Variants in STEAP1B observed in about 807,000 individuals in gnomAD.
STEAP1B encodes the protein STEAP family member 1B, also known as STEAP family protein MGC87042.
Under a neutral mutation model 27.9 loss-of-function variants are expected in STEAP1B, and 13 were observed. The observed-to-expected ratio is 0.47, with a 90% confidence interval of 0.30 to 0.74. STEAP1B has a LOEUF of 0.74. Among genes scored for constraint, STEAP1B ranks in the 30% least tolerant of loss-of-function variants. The pLI, the probability that STEAP1B is intolerant of heterozygous loss-of-function variation, is 0.06. For synonymous variants in STEAP1B, 86 were observed against 107.1 expected (o/e 0.80, Z 1.22); for missense variants, 250 against 298.7 (o/e 0.84, Z 1.20).
At chr7:22,486,904 C>T (rs1786219616) in intron 4 of STEAP1B, among the ~76,000 whole-genome samples, 1 of 152,188 alleles carries the variant, frequency 6.6e-6, no homozygotes, top group Non-Finnish European at 1.5e-5. Context: ...CTTCTCAGCT[C>T]ACTCAGTGCT....
intron 4 of STEAP1B, among the ~76,000 whole-genome samples, chr7:22,469,243 A>G (rs1785838823): frequency 6.6e-6 from 1 of 152,166 alleles, no homozygotes; most frequent in Non-Finnish European, 1.5e-5. Flanking sequence ...AGAATAAATA[A>G]TTTAATATAT....
chr7:22,472,579 T>TA (rs1281289296), intron 4 of STEAP1B, among the ~76,000 whole-genome samples: 3 of 152,192 alleles, frequency 2.0e-5, no homozygotes, highest in African/African-American at 2.4e-5. Context: ...AATCTAACCA[T>TA]AAAAAATAAA....
chr7:22,463,588 G>A (rs1170838601), intron 4 of STEAP1B, among the ~76,000 whole-genome samples: 2 of 152,106 alleles, frequency 1.3e-5, no homozygotes, highest in East Asian at 3.8e-4. Flanking sequence ...AAACAGCATG[G>A]TACTGGTACC....
intron 4 of STEAP1B, among the ~76,000 whole-genome samples, chr7:22,421,976 C>A (rs1032122857): frequency 6.6e-6 from 1 of 152,216 alleles, no homozygotes; most frequent in Non-Finnish European, 1.5e-5. Flanking sequence ...TGAAATTAAA[C>A]GTCACTATCA....
At chr7:22,490,972 C>T (rs751471849) in intron 4 of STEAP1B, among the ~76,000 whole-genome samples, 11 of 152,176 alleles carry the variant, frequency 7.2e-5, no homozygotes, top group African/African-American at 2.4e-4. Context: ...AATAGCAGTA[C>T]GTGATATATC....
chr7:22,449,161 A>AT (rs1562570960), intron 4 of STEAP1B, among the ~76,000 whole-genome samples: 1 of 152,118 alleles, frequency 6.6e-6, no homozygotes, highest in African/African-American at 2.4e-5. Flanking sequence ...ACTCTTTCAG[A>AT]TTTTTTAAAT....
rs1274102731 is a variant in STEAP1B at position 22,491,873 on chromosome 7, A to T, written c.762+692T>A. Among the ~76,000 whole-genome samples, 7 of 152,190 alleles carry T rather than the reference A, an allele frequency of 4.6e-5. No individual in the cohort carries two copies. The East Asian group carries it at 1.3e-3, about 29-fold the overall frequency. On this transcript the variant is annotated intron_variant, in intron 4 of 4. Transcript: ENST00000678116. ...AATTTGTCAGCTATGTTCTGTTTGAAAAGGAAGATAGAGACAGTAATATGA... is the reference window on the plus strand; with the variant it reads ...AATTTGTCAGCTATGTTCTGTTTGATAAGGAAGATAGAGACAGTAATATGA...
At chr7:22,423,201 T>G (rs1583625520) in intron 4 of STEAP1B, among the ~76,000 whole-genome samples, 1 of 152,226 alleles carries the variant, frequency 6.6e-6, no homozygotes, top group East Asian at 1.9e-4. Flanking sequence ...CTTTGGAAGA[T>G]AATTGGCTGT....
chr7:22,430,424 A>C lies in STEAP1B; in HGVS notation c.763-10588T>G, dbSNP rs147394588. Among the ~76,000 whole-genome samples the C allele has an allele frequency of 1.1e-3, 164 of 152,362 alleles. 1 individual carries two copies. Among genetic ancestry groups the C allele is most frequent in the African/African-American group, 3.6e-3 (151 of 41,586 alleles). ...CTACCACAAGTGCATCATTAATCTT[A>C]CGACTGAGGCAAGGAATTATTAAAA... On this transcript the variant is annotated intron_variant, in intron 4 of 4. Transcript: ENST00000678116.
chr7:22,441,381 C>T lies in STEAP1B; in HGVS notation c.763-21545G>A, dbSNP rs914756627. ...TCAGTTGCCCTTACCATGCGCCAGG[C>T]ACTGTTGAACTATTTTAATCCTCAT... On this transcript the variant is annotated intron_variant, in intron 4 of 4. Coordinates refer to ENST00000678116, the MANE Select transcript of STEAP1B (RefSeq NM_001382447.1). Among the ~76,000 whole-genome samples the T allele has an allele frequency of 2.0e-5, 3 of 152,322 alleles. No individual in the cohort carries two copies. The South Asian group carries it at 6.2e-4, about 32-fold the overall frequency.
At chr7:22,462,084 T>C (rs1785688143) in intron 4 of STEAP1B, among the ~76,000 whole-genome samples, 1 of 152,188 alleles carries the variant, frequency 6.6e-6, no homozygotes, top group African/African-American at 2.4e-5. Context: ...ATTTTAGCCA[T>C]CATTTATACT....
intron 4 of STEAP1B, among the ~76,000 whole-genome samples, chr7:22,433,008 C>A (rs1215027288): frequency 6.6e-6 from 1 of 152,148 alleles, no homozygotes; most frequent in African/African-American, 2.4e-5. Flanking sequence ...TTCCTGCCAG[C>A]AAATGCGGCC....
chr7:22,493,187 G>C (rs117415937), intron 3 of STEAP1B, 137 bp downstream of exon 3: 65,765 of 1,122,300 alleles, frequency 0.059, 2,415 homozygotes, highest in African/African-American at 0.12. Context: ...GTAATTATAA[G>C]AAAAATTTTA....
chr7:22,476,214 T>C (rs1363978403), intron 4 of STEAP1B, among the ~76,000 whole-genome samples: 9 of 152,156 alleles, frequency 5.9e-5, no homozygotes, highest in Admixed American at 5.9e-4. Flanking sequence ...CAAATTACCA[T>C]AGACTTAGTG....
In STEAP1B at chr7:22,460,610, G is replaced by A. The variant is rs73083178; in HGVS notation, c.762+31955C>T. 7.3e-3 allele frequency among the ~76,000 whole-genome samples: 1,112 copies of A among 152,246 alleles called. 10 individuals carry two copies. Among genetic ancestry groups the A allele is most frequent in the Non-Finnish European group, 0.013 (873 of 67,996 alleles). On this transcript the variant is annotated intron_variant, in intron 4 of 4. Coordinates refer to ENST00000678116, the MANE Select transcript of STEAP1B (RefSeq NM_001382447.1). ...AGCAGGGGCAGGAGCTCTTAAGAGC[G>A]CACAGGCAGTGAGGGCTCTGGTTTT...
At position 22,475,219 on chromosome 7, in the gene STEAP1B, C is replaced by T. The variant is rs534795011; in HGVS notation, c.762+17346G>A. Among the ~76,000 whole-genome samples, 10 of 152,334 alleles carry T rather than the reference C, an allele frequency of 6.6e-5. No homozygotes were observed. The South Asian group carries it at 8.3e-4, about 13-fold the overall frequency. On this transcript the variant is annotated intron_variant, in intron 4 of 4. Coordinates refer to ENST00000678116, the MANE Select transcript of STEAP1B (RefSeq NM_001382447.1). ...GTGGCTGCTCCTAACGGGCACCTGG[C>T]ATCTCCCTGCTGGCCAGTACACTAG...
chr7:22,495,484 T>C (rs1175429211), intron 1 of STEAP1B: 6 of 139,226 alleles, frequency 4.3e-5, no homozygotes, highest in Admixed American at 1.5e-4. Flanking sequence ...GTCAACCCTG[T>C]GGAAAAACAA....
At chr7:22,479,896 G>A (rs574393162) in intron 4 of STEAP1B, among the ~76,000 whole-genome samples, 1 of 152,106 alleles carries the variant, frequency 6.6e-6, no homozygotes, top group Admixed American at 6.6e-5. Flanking sequence ...ATGTTGGGCA[G>A]GCTAGTCTTG....
chr7:22,472,845 G>A (rs1362281953), intron 4 of STEAP1B, among the ~76,000 whole-genome samples: 1 of 152,206 alleles, frequency 6.6e-6, no homozygotes, highest in Non-Finnish European at 1.5e-5. Context: ...GGGCTATGGA[G>A]GCGGGAGATT....
Sources: allele counts gnomAD v4.1 joint callset (sites outside exome capture counted in the v4.1 genomes callset), GRCh38; gene constraint gnomAD v4.1.1; transcripts MANE v1.5; gene names NCBI Gene and HGNC (gene_info 2026-07-23, HGNC 2026-07-21).